TBC1D14: variants seen among roughly 807,000 people sequenced by gnomAD.
TBC1D14 encodes TBC1 domain family member 14, also known as TBC1 domain family, member 14.
In TBC1D14, 26 loss-of-function variants were observed where a neutral mutation model predicts 79.0. The observed-to-expected ratio is 0.33, with a 90% CI of 0.24 to 0.46. The LOEUF (loss-of-function observed/expected upper bound fraction) is 0.46, where lower values mean the gene tolerates loss of function less well. TBC1D14 is among the 20% of genes least tolerant of loss of function. The pLI is 1.00. For synonymous variants in TBC1D14, 394 were observed against 349.9 expected (o/e 1.13, Z -1.40); for missense variants, 769 against 887.6 (o/e 0.87, Z 1.70).
Position 6,923,708 on chromosome 4 carries a change from C to T in TBC1D14, c.319C>T (p.Leu107=). 1 of 1,613,844 alleles carries T rather than the reference C, an allele frequency of 6.2e-7. No homozygotes were observed. The highest frequency in any genetic ancestry group is 1.1e-5 in the South Asian group (1 of 91,082). The change falls in exon 2 of 14, where the codon CTG becomes TTG. Residue 107 remains leucine, a synonymous_variant. Coordinates refer to ENST00000409757, the MANE Select transcript of TBC1D14 (RefSeq NM_020773.3). The part of the protein sequence containing the change: ...PERAFQSACA[L]PSCAPPAPSS... ...GCGGGCCTTCCAGAGCGCCTGCGCG[C>T]TGCCATCCTGTGCGCCACCAGCTCC...
At chr4:6,992,905 G>A (rs532528518) in intron 3 of TBC1D14, among the ~76,000 whole-genome samples, 2 of 152,298 alleles carry the variant, frequency 1.3e-5, no homozygotes, top group African/African-American at 2.4e-5. Flanking sequence ...AGTAAACAGT[G>A]TTAAGACATG....
chr4:6,976,373 A>G (rs1716712037), intron 3 of TBC1D14, among the ~76,000 whole-genome samples: 1 of 152,264 alleles, frequency 6.6e-6, no homozygotes, highest in South Asian at 2.1e-4. Context: ...GTCCATGTCC[A>G]GATACATCAT....
intron 2 of TBC1D14, among the ~76,000 whole-genome samples, chr4:6,965,187 A>C (rs1715591861): frequency 6.7e-6 from 1 of 148,244 alleles, no homozygotes; most frequent in African/African-American, 2.5e-5. Flanking sequence ...ATAGAGTCTC[A>C]CTCTGTCGCC....
intron 2 of TBC1D14, among the ~76,000 whole-genome samples, chr4:6,930,457 T>C (rs758418139): frequency 6.6e-6 from 1 of 152,122 alleles, no homozygotes; most frequent in Non-Finnish European, 1.5e-5. Context: ...GAAAGGACTT[T>C]AGCAAGCAAG....
At chr4:7,016,348 A>G (rs1721275781) in intron 12 of TBC1D14, among the ~76,000 whole-genome samples, 1 of 152,172 alleles carries the variant, frequency 6.6e-6, no homozygotes, top group African/African-American at 2.4e-5. Flanking sequence ...TTATTCAGCA[A>G]ATGGTGATTT....
chr4:6,996,529 T>G, intron 5 of TBC1D14, 122 bp downstream of exon 5: 2 of 728,318 alleles, frequency 2.7e-6, no homozygotes, highest in Non-Finnish European at 2.2e-6. Context: ...ATTTGTAGTC[T>G]TCCAGTAAAA....
At chr4:6,960,206 C>T (rs1455665011) in intron 2 of TBC1D14, among the ~76,000 whole-genome samples, 1 of 151,212 alleles carries the variant, frequency 6.6e-6, no homozygotes, top group Non-Finnish European at 1.5e-5. Flanking sequence ...CTTAGTCTAC[C>T]AAGTAGCTGG....
intron 3 of TBC1D14, among the ~76,000 whole-genome samples, chr4:6,988,248 T>C (rs548551521): frequency 1.3e-5 from 2 of 152,372 alleles, no homozygotes; most frequent in East Asian, 1.9e-4. Context: ...TCGTGCCCTT[T>C]TCCACAAGCA....
chr4:6,911,204 C>T (rs572850845), intron 1 of TBC1D14, among the ~76,000 whole-genome samples: 1 of 152,292 alleles, frequency 6.6e-6, no homozygotes, highest in East Asian at 1.9e-4. Context: ...GTGTGTTTGA[C>T]CCCTTGAGAT....
intron 3 of TBC1D14, among the ~76,000 whole-genome samples, chr4:6,993,205 CTTCAGGGGCA>C: frequency 6.6e-6 from 1 of 152,326 alleles, no homozygotes; most frequent in South Asian, 2.1e-4. Context: ...ATTATCTTCC[CTTCAGGGGCA>C]TTCCTGAGAG....
chr4:6,975,938 C>A (rs1247353224), intron 3 of TBC1D14, among the ~76,000 whole-genome samples: 6 of 152,046 alleles, frequency 3.9e-5, no homozygotes, highest in Non-Finnish European at 5.9e-5. Context: ...ACTAAAAATA[C>A]AAAAATTAAC....
At chr4:6,919,577 C>T (rs1723669387) in intron 1 of TBC1D14, among the ~76,000 whole-genome samples, 1 of 152,098 alleles carries the variant, frequency 6.6e-6, no homozygotes, top group Non-Finnish European at 1.5e-5. Flanking sequence ...TCCTCCTTTA[C>T]TCACTGGGTC....
intron 12 of TBC1D14, among the ~76,000 whole-genome samples, chr4:7,020,538 A>G (rs1721724916): frequency 6.6e-6 from 1 of 152,172 alleles, no homozygotes; most frequent in African/African-American, 2.4e-5. Context: ...AGGTTGGGAA[A>G]ATGGGGACAC....
chr4:6,914,135 C>A (rs1408163166), intron 1 of TBC1D14, among the ~76,000 whole-genome samples: 202 of 137,410 alleles, frequency 1.5e-3, no homozygotes, highest in Middle Eastern at 3.7e-3. Context: ...GACCCCATCT[C>A]AAAAAAAAAA....
intron 7 of TBC1D14, 83 bp downstream of exon 7, chr4:7,001,334 G>A (rs1426559251): frequency 1.8e-6 from 2 of 1,142,272 alleles, no homozygotes; most frequent in East Asian, 2.4e-5. Context: ...GGAAAGAATG[G>A]CAGCCATTGC....
intron 2 of TBC1D14, among the ~76,000 whole-genome samples, chr4:6,927,218 C>A (rs4689054): frequency 0.95 from 144,676 of 152,098 alleles, 69,228 homozygotes; most frequent in Middle Eastern, 1. Context: ...CCCCTTATGG[C>A]GCTCATAGTC....
intron 2 of TBC1D14, among the ~76,000 whole-genome samples, chr4:6,929,183 G>A (rs190941443): frequency 6.6e-6 from 1 of 152,244 alleles, no homozygotes; most frequent in East Asian, 1.9e-4. Context: ...GCTGGTGTGT[G>A]GTCCTCGGTA....
chr4:6,942,929 C>T (rs1200826723), intron 2 of TBC1D14, among the ~76,000 whole-genome samples: 1 of 152,120 alleles, frequency 6.6e-6, no homozygotes, highest in African/African-American at 2.4e-5. Flanking sequence ...GAGTGGCAGG[C>T]AAAATTCCTG....
At chr4:6,966,175 A>C (rs1364682405) in intron 2 of TBC1D14, among the ~76,000 whole-genome samples, 3 of 152,200 alleles carry the variant, frequency 2.0e-5, no homozygotes, top group African/African-American at 7.2e-5. Context: ...AGTCAGTGGG[A>C]GCCTATTCAG....
Sources: allele counts gnomAD v4.1 joint callset (sites outside exome capture counted in the v4.1 genomes callset), GRCh38; gene constraint gnomAD v4.1.1; transcripts MANE v1.5; gene names NCBI Gene and HGNC (gene_info 2026-07-23, HGNC 2026-07-21).